GALNT18: variants seen among roughly 807,000 people sequenced by gnomAD.
GALNT18 encodes polypeptide N-acetylgalactosaminyltransferase 18.
A neutral mutation model predicts 69.5 loss-of-function variants in GALNT18; 44 were observed. That is an observed-to-expected ratio of 0.63 (90% CI 0.50 to 0.81). The LOEUF (loss-of-function observed/expected upper bound fraction) is 0.81, where lower values mean the gene tolerates loss of function less well. Among genes scored for constraint, GALNT18 ranks in the 40% least tolerant of loss-of-function variants. The probability of loss-of-function intolerance (pLI) is 0.00; values close to 1 mark genes in which losing one functional copy is unlikely to be tolerated. For missense variants in GALNT18, 715 were observed against 810.0 expected (o/e 0.88, Z 1.42); for synonymous variants, 364 against 318.2 (o/e 1.14, Z -1.53).
chr11:11,355,453 C>T (rs2133072865), intron 6 of GALNT18, among the ~76,000 whole-genome samples: 1 of 152,268 alleles, frequency 6.6e-6, no homozygotes, highest in East Asian at 1.9e-4. Context: ...ACCATATGTT[C>T]TGGTTTGCTG....
rs780906272 is a variant in GALNT18, at chr11:11,587,590, A to G, written c.235+33769T>C. On this transcript the variant is annotated intron_variant, in intron 1 of 10. Transcript: ENST00000227756. This position sits in a 1 kb window ranked among gnomAD's most constrained non-coding sequence, Gnocchi z 4.4. Reference sequence around the variant, plus strand: ...AAGCACGGAAAATACCCTACAACAGAAAAGCTGAAGTTGATGTTTTACATG... The same window carrying G: ...AAGCACGGAAAATACCCTACAACAGGAAAGCTGAAGTTGATGTTTTACATG... Among the ~76,000 whole-genome samples the G allele has an allele frequency of 6.6e-6, 1 of 152,208 alleles. No individual in the cohort carries two copies. The highest frequency in any genetic ancestry group is 2.4e-5 in the African/African-American group (1 of 41,446).
At chr11:11,452,744 G>A (rs1213452655) in intron 1 of GALNT18, among the ~76,000 whole-genome samples, 1 of 152,168 alleles carries the variant, frequency 6.6e-6, no homozygotes, top group Non-Finnish European at 1.5e-5. Context: ...TGGCATATCT[G>A]GTGATACCCA....
At chr11:11,308,460 C>T (rs1209009591) in intron 9 of GALNT18, among the ~76,000 whole-genome samples, 2 of 152,134 alleles carry the variant, frequency 1.3e-5, no homozygotes. Context: ...CCCTCCTAAG[C>T]CTTCTCTTGA....
In GALNT18 at chr11:11,454,984, T is replaced by A. The variant is rs1490688659; in HGVS notation, c.236-6048A>T. On this transcript the variant is annotated intron_variant, in intron 1 of 10. Coordinates refer to ENST00000227756, the MANE Select transcript of GALNT18 (RefSeq NM_198516.3). The surrounding 1 kb of genome is among the most constrained non-coding windows in gnomAD (Gnocchi z 4.2). The stretch of plus-strand genomic sequence containing the variant: ...AACAGGCTGACTCCTTCCTCATTGT[T>A]GACATTGAAATTCTCCCTGAGGGAA... Among the ~76,000 whole-genome samples, 1 of 152,216 alleles carries A rather than the reference T, an allele frequency of 6.6e-6. No homozygotes were observed. The highest frequency in any genetic ancestry group is 1.5e-5 in the Non-Finnish European group (1 of 68,040).
intron 3 of GALNT18, among the ~76,000 whole-genome samples, chr11:11,423,716 C>T (rs1445385003): frequency 2.0e-5 from 3 of 152,196 alleles, no homozygotes; most frequent in Non-Finnish European, 2.9e-5. Flanking sequence ...CCATGGTGTA[C>T]CAGAGGCAAG....
rs890758693 is a variant in GALNT18 at position 11,430,848 on chromosome 11, T to C, written c.595+1773A>G. Among the ~76,000 whole-genome samples, 5 of 152,216 alleles carry C rather than the reference T, an allele frequency of 3.3e-5. No homozygotes were observed. Among genetic ancestry groups the C allele is most frequent in the Non-Finnish European group, 5.9e-5 (4 of 68,046 alleles). On this transcript the variant is annotated intron_variant, in intron 3 of 10. Coordinates refer to ENST00000227756, the MANE Select transcript of GALNT18 (RefSeq NM_198516.3). The surrounding 1 kb of genome is among the most constrained non-coding windows in gnomAD (Gnocchi z 4.9). ...TCTCATCCATTTCCCTTCTTCAAGA[T>C]GCCCTTTTCCCCCGCCAATATAATA...
chr11:11,350,525 T>C (rs2133065932), intron 6 of GALNT18, among the ~76,000 whole-genome samples: 1 of 152,288 alleles, frequency 6.6e-6, no homozygotes. Flanking sequence ...GGCTCTGACA[T>C]ACAGGGGTTG....
intron 9 of GALNT18, 60 bp from the exon 10 acceptor site, chr11:11,293,253 A>T (rs149641477): frequency 1.6e-6 from 2 of 1,278,826 alleles, no homozygotes; most frequent in Non-Finnish European, 2.0e-6. Flanking sequence ...AGACAGGAGC[A>T]TAGGTGGTGA....
At chr11:11,342,503 G>A (rs1850226484) in intron 6 of GALNT18, among the ~76,000 whole-genome samples, 1 of 152,182 alleles carries the variant, frequency 6.6e-6, no homozygotes, top group South Asian at 2.1e-4. Context: ...AGTTAGGAAG[G>A]GAATGCCTTC....
chr11:11,441,574 G>C (rs373155688), intron 2 of GALNT18, among the ~76,000 whole-genome samples: 4 of 152,098 alleles, frequency 2.6e-5, no homozygotes, highest in Non-Finnish European at 4.4e-5. Flanking sequence ...GTGAATGTTC[G>C]GTATTCCCCT....
chr11:11,458,396 A>AT (rs1235260907), intron 1 of GALNT18, among the ~76,000 whole-genome samples: 2 of 152,156 alleles, frequency 1.3e-5, no homozygotes, highest in East Asian at 1.9e-4. Flanking sequence ...CAATTCAATG[A>AT]TTTTTTTAAA....
Position 11,323,552 on chromosome 11 carries a change from C to G in GALNT18, c.1512+3534G>C, listed in dbSNP as rs74691485. Reference sequence around the variant, plus strand: ...CCGTGGCTGTGTGGGGTGGCCCTGGCCCTTAGGCTAGACAGGGCACCAGCC... The same window carrying G: ...CCGTGGCTGTGTGGGGTGGCCCTGGGCCTTAGGCTAGACAGGGCACCAGCC... On this transcript the variant is annotated intron_variant, in intron 9 of 10. Transcript: ENST00000227756. 8.7e-3 allele frequency among the ~76,000 whole-genome samples: 1,329 copies of G among 152,336 alleles called. 20 individuals carry two copies. The highest frequency in any genetic ancestry group is 0.03 in the African/African-American group (1,250 of 41,574).
At chr11:11,410,898 T>C (rs534023988) in intron 3 of GALNT18, among the ~76,000 whole-genome samples, 8 of 152,220 alleles carry the variant, frequency 5.3e-5, no homozygotes, top group Admixed American at 1.3e-4. Flanking sequence ...CCAGTATACA[T>C]AGGGAACTAT....
At chr11:11,545,528 C>T (rs1447104234) in intron 1 of GALNT18, among the ~76,000 whole-genome samples, 1 of 152,200 alleles carries the variant, frequency 6.6e-6, no homozygotes, top group Non-Finnish European at 1.5e-5. Flanking sequence ...TTCAGATAAG[C>T]GCGTGCACAG....
rs1273656768 is a variant in GALNT18, at chr11:11,467,827, T to C, written c.236-18891A>G. Among the ~76,000 whole-genome samples, 7 of 152,332 alleles carry C rather than the reference T, an allele frequency of 4.6e-5. No individual in the cohort carries two copies. In the East Asian group the frequency reaches 1.3e-3, roughly 29 times the overall value. On this transcript the variant is annotated intron_variant, in intron 1 of 10. Transcript: ENST00000227756. The stretch of plus-strand genomic sequence containing the variant: ...CTCAACTCTCCAGGTGATTCCAATA[T>C]GCAGCCAAGATTTAGAACCACTGGA...
intron 3 of GALNT18, among the ~76,000 whole-genome samples, chr11:11,420,968 AC>A (rs1490025554): frequency 2.0e-5 from 3 of 152,030 alleles, no homozygotes; most frequent in Non-Finnish European, 2.9e-5. Flanking sequence ...AAAACTGGTC[AC>A]CTTGGCTAGT....
chr11:11,348,660 G>A (rs1312830515), intron 6 of GALNT18, among the ~76,000 whole-genome samples: 1 of 152,080 alleles, frequency 6.6e-6, no homozygotes, highest in East Asian at 1.9e-4. Context: ...ATCTAGTTAT[G>A]TCCAGTTATG....
intron 1 of GALNT18, among the ~76,000 whole-genome samples, chr11:11,450,577 C>A (rs1855773183): frequency 6.6e-6 from 1 of 152,110 alleles, no homozygotes; most frequent in Non-Finnish European, 1.5e-5. Flanking sequence ...GTGAGAGATG[C>A]AAAAAGATCT....
rs1268678622 is a variant in GALNT18, at chr11:11,432,581, A to G, written c.595+40T>C. ...TGAACCATCAGCTTAGATGTCAGCC[A>G]GGAAGTAGGGCCTGGGCCCTGGGAA... is the stretch of plus-strand genomic sequence containing the variant. On this transcript the variant is annotated intron_variant, in intron 3 of 10. Coordinates refer to ENST00000227756, the MANE Select transcript of GALNT18 (RefSeq NM_198516.3). The surrounding 1 kb of genome is among the most constrained non-coding windows in gnomAD (Gnocchi z 5.8). 2 of 1,566,928 alleles carry G rather than the reference A, an allele frequency of 1.3e-6. No homozygotes were observed. Among genetic ancestry groups the G allele is most frequent in the Admixed American group, 1.8e-5 (1 of 55,570 alleles).
Sources: allele counts gnomAD v4.1 joint callset (sites outside exome capture counted in the v4.1 genomes callset), GRCh38; gene constraint gnomAD v4.1.1; non-coding constraint Gnocchi (gnomAD v3.1); transcripts MANE v1.5; gene names NCBI Gene and HGNC (gene_info 2026-07-23, HGNC 2026-07-21).